GALNT13: variants seen among roughly 807,000 people sequenced by gnomAD.
GALNT13 encodes the protein UDP-GalNAc:polypeptide N-acetylgalactosaminyltransferase 13.
GALNT13 carries 28 observed loss-of-function variants against 64.2 expected under a neutral mutation model. That is an observed-to-expected ratio of 0.44 (90% CI 0.32 to 0.60). The LOEUF (loss-of-function observed/expected upper bound fraction) is 0.60, where lower values mean the gene tolerates loss of function less well. Among genes scored for constraint, GALNT13 ranks in the 20% least tolerant of loss-of-function variants. The pLI is 0.05. For missense variants in GALNT13, 577 were observed against 669.8 expected (o/e 0.86, Z 1.53); for synonymous variants, 214 against 224.6 (o/e 0.95, Z 0.42).
chr2:154,282,315 T>C (rs1490264415), intron 8 of GALNT13, among the ~76,000 whole-genome samples: 1 of 152,192 alleles, frequency 6.6e-6, no homozygotes, highest in Non-Finnish European at 1.5e-5. Context: ...TTTTATAGTC[T>C]CAGCTCCTTT....
the GALNT13 span, among the ~76,000 whole-genome samples, chr2:153,102,188 C>G: frequency 6.6e-6 from 1 of 152,018 alleles, no homozygotes; most frequent in African/African-American, 2.4e-5. Context: ...CTCTGTCTCC[C>G]TCTTTCTCTC....
intron 2 of GALNT13, among the ~76,000 whole-genome samples, chr2:153,939,929 G>T (rs1294725601): frequency 6.6e-6 from 1 of 152,128 alleles, no homozygotes; most frequent in Non-Finnish European, 1.5e-5. Context: ...AGTGAGTGTT[G>T]AAACCCAGAC....
intron 4 of GALNT13, among the ~76,000 whole-genome samples, chr2:154,189,804 T>C (rs1686471831): frequency 6.6e-6 from 1 of 152,116 alleles, no homozygotes; most frequent in African/African-American, 2.4e-5. Flanking sequence ...AGGATAAGAA[T>C]GGATTAGTAA....
chr2:153,973,100 C>T (rs1001978976), intron 3 of GALNT13, among the ~76,000 whole-genome samples: 8 of 151,816 alleles, frequency 5.3e-5, no homozygotes, highest in African/African-American at 9.7e-5. Context: ...AGGGGTTAGT[C>T]GTTCATAGCC....
At chr2:153,514,871 C>T in the GALNT13 span, among the ~76,000 whole-genome samples, 13 of 152,084 alleles carry the variant, frequency 8.5e-5, no homozygotes, top group African/African-American at 2.2e-4. Flanking sequence ...GGTCAGTAAT[C>T]GGGACGGGAC....
At chr2:153,959,021 T>G (rs1692762736) in intron 3 of GALNT13, among the ~76,000 whole-genome samples, 1 of 152,212 alleles carries the variant, frequency 6.6e-6, no homozygotes, top group Admixed American at 6.5e-5. Flanking sequence ...AAGGCACTTG[T>G]TAGAAAGCAC....
At chr2:154,025,678 T>C (rs891520295) in intron 3 of GALNT13, among the ~76,000 whole-genome samples, 1 of 152,214 alleles carries the variant, frequency 6.6e-6, no homozygotes, top group African/African-American at 2.4e-5. Flanking sequence ...AGTCAACAAA[T>C]CTTTATTAAT....
At chr2:153,594,140 A>C in the GALNT13 span, among the ~76,000 whole-genome samples, 3 of 152,108 alleles carry the variant, frequency 2.0e-5, no homozygotes, top group Admixed American at 6.6e-5. Flanking sequence ...AGTCAAATGA[A>C]TGTGAAAAAC....
chr2:153,719,770 C>T, the GALNT13 span, among the ~76,000 whole-genome samples: 1 of 151,554 alleles, frequency 6.6e-6, no homozygotes, highest in Admixed American at 6.6e-5. Flanking sequence ...AAAAACGGCG[C>T]ACCACGAGAC....
the GALNT13 span, among the ~76,000 whole-genome samples, chr2:153,604,055 A>G: frequency 6.6e-6 from 1 of 152,018 alleles, no homozygotes; most frequent in Admixed American, 6.6e-5. Flanking sequence ...CCATCAATGC[A>G]TTACTTACAA....
rs534708006 is a variant in GALNT13 at position 154,352,652 on chromosome 2, A to C, written c.1157-43339A>C. 8.5e-5 allele frequency among the ~76,000 whole-genome samples: 13 copies of C among 152,340 alleles called. No homozygotes were observed. The South Asian group carries it at 1.5e-3, about 17-fold the overall frequency. ...AGTTAGTCAGGCTCCATAGCTCATA[A>C]CTTGCCAACACCACATTCTTCTTAT... On this transcript the variant is annotated intron_variant, in intron 9 of 12. Coordinates refer to ENST00000392825, the MANE Select transcript of GALNT13 (RefSeq NM_052917.4).
chr2:153,631,823 T>C, the GALNT13 span, among the ~76,000 whole-genome samples: 2 of 152,204 alleles, frequency 1.3e-5, no homozygotes, highest in Non-Finnish European at 2.9e-5. Flanking sequence ...TAGATCCCAT[T>C]TGTCAACTTT....
intron 12 of GALNT13, among the ~76,000 whole-genome samples, chr2:154,441,298 AAG>A (rs2105479032): frequency 6.6e-6 from 1 of 152,236 alleles, no homozygotes; most frequent in South Asian, 2.1e-4. Context: ...TGAGATGAGA[AAG>A]AGGAATAATT....
At chr2:153,682,515 C>A in the GALNT13 span, among the ~76,000 whole-genome samples, 11 of 151,664 alleles carry the variant, frequency 7.3e-5, no homozygotes, top group African/African-American at 2.7e-4. Flanking sequence ...ACTTTTCTAT[C>A]CTCACAAGAC....
chr2:154,292,095 G>A (rs934090299), intron 8 of GALNT13, among the ~76,000 whole-genome samples: 3 of 152,070 alleles, frequency 2.0e-5, no homozygotes, highest in African/African-American at 7.2e-5. Flanking sequence ...GCTAGTGTAT[G>A]AGTGTATTTC....
chr2:153,367,156 A>G, the GALNT13 span, among the ~76,000 whole-genome samples: 2 of 152,142 alleles, frequency 1.3e-5, no homozygotes, highest in African/African-American at 4.8e-5. Context: ...AAGTGAAAAT[A>G]AAATAAAATT....
the GALNT13 span, among the ~76,000 whole-genome samples, chr2:153,648,766 G>T: frequency 8.4e-5 from 12 of 143,060 alleles, no homozygotes; most frequent in African/African-American, 3.1e-4. Context: ...GCTGGATTAC[G>T]TTTATTGATT....
the GALNT13 span, among the ~76,000 whole-genome samples, chr2:153,110,476 T>A: frequency 6.6e-6 from 1 of 152,118 alleles, no homozygotes; most frequent in Non-Finnish European, 1.5e-5. Context: ...AAATTTGGTC[T>A]GTTTTTTTCC....
chr2:153,597,091 T>C, the GALNT13 span, among the ~76,000 whole-genome samples: 7 of 152,270 alleles, frequency 4.6e-5, no homozygotes, highest in South Asian at 1.4e-3. Context: ...CTACAACAGT[T>C]TTTTTACAAA....
Sources: gnomAD v4.1 joint callset for allele counts (sites outside exome capture counted in the v4.1 genomes callset) on GRCh38, gnomAD v4.1.1 for gene constraint, MANE v1.5 for transcripts, NCBI Gene and HGNC (gene_info 2026-07-23, HGNC 2026-07-21) for gene names.